Variants in CAMK4 observed in about 807,000 individuals in gnomAD.
CAMK4 encodes calcium/calmodulin dependent protein kinase IV, also known as calcium/calmodulin-dependent protein kinase type IV.
A neutral mutation model predicts 44.9 loss-of-function variants in CAMK4; 22 were observed. The ratio of observed to expected loss-of-function variants is 0.49; its 90% CI spans 0.35 to 0.70. The LOEUF is 0.70. CAMK4 is among the 30% of genes least tolerant of loss of function. The pLI, the probability that CAMK4 is intolerant of heterozygous loss-of-function variation, is 0.01. For synonymous variants in CAMK4, 218 were observed against 215.4 expected (o/e 1.01, Z -0.11); for missense variants, 498 against 586.8 (o/e 0.85, Z 1.56).
At position 111,224,758 on chromosome 5, in the gene CAMK4, T is replaced by G; in HGVS notation, c.161+114T>G. 1 of 1,008,112 alleles carries G rather than the reference T, an allele frequency of 9.9e-7. No individual in the cohort carries two copies. The highest frequency in any genetic ancestry group is 1.4e-6 in the Non-Finnish European group (1 of 697,362). 62.4% of individuals were successfully genotyped at this position (1,008,112 alleles called of 1,614,324 possible). On this transcript the variant is annotated intron_variant, in intron 1 of 10. Coordinates refer to ENST00000282356, the MANE Select transcript of CAMK4 (RefSeq NM_001744.6). The surrounding 1 kb of genome is among the most constrained non-coding windows in gnomAD (Gnocchi z 5.7). ...GCCTTCGTGCCCTTCGATTTCTCCCTACCTAGTTAGTGTCTTGAGAGAGAG... is the reference window on the plus strand; with the variant it reads ...GCCTTCGTGCCCTTCGATTTCTCCCGACCTAGTTAGTGTCTTGAGAGAGAG...
At chr5:111,271,185 A>G (rs1750499754) in intron 1 of CAMK4, among the ~76,000 whole-genome samples, 1 of 152,226 alleles carries the variant, frequency 6.6e-6, no homozygotes, top group African/African-American at 2.4e-5. Context: ...CACAGAGCCA[A>G]ACCATATCAA....
intron 7 of CAMK4, among the ~76,000 whole-genome samples, chr5:111,465,584 T>G (rs1167690037): frequency 6.6e-6 from 1 of 152,126 alleles, no homozygotes; most frequent in Non-Finnish European, 1.5e-5. Context: ...CACCTTTATG[T>G]GCATGAACTA....
chr5:111,226,592 A>T (rs558142778), intron 1 of CAMK4, among the ~76,000 whole-genome samples: 1 of 152,386 alleles, frequency 6.6e-6, no homozygotes, highest in African/African-American at 2.4e-5. Flanking sequence ...GGGCAAAATC[A>T]TCTAACATAA....
At chr5:111,242,011 G>C (rs1016706888) in intron 1 of CAMK4, among the ~76,000 whole-genome samples, 1 of 152,172 alleles carries the variant, frequency 6.6e-6, no homozygotes, top group African/African-American at 2.4e-5. Context: ...AAGATGGACT[G>C]TTGGAACTTC....
Position 111,487,993 on chromosome 5 carries a change from C to T in CAMK4, c.*3527C>T, listed in dbSNP as rs1561520310. The T allele has an allele frequency of 6.6e-6, 1 of 152,248 alleles. No individual in the cohort carries two copies. Among genetic ancestry groups the T allele is most frequent in the Admixed American group, 6.5e-5 (1 of 15,288 alleles). The allele number at this position is 152,248 out of a possible 1,614,324, so 9.4% of individuals were successfully genotyped here. A position where few individuals can be genotyped will look rare whatever the true frequency, so the allele number is the denominator to read the frequency against. ...TTACTAAATTATCTACTGACCAATC[C>T]CTCTGATTCCTGATGGGCCCTGGAG... On this transcript the variant is annotated 3_prime_UTR_variant, in exon 11 of 11. Coordinates refer to ENST00000282356, the MANE Select transcript of CAMK4 (RefSeq NM_001744.6).
At chr5:111,448,180 G>A (rs763814376) in intron 6 of CAMK4, among the ~76,000 whole-genome samples, 16 of 152,174 alleles carry the variant, frequency 1.1e-4, no homozygotes, top group African/African-American at 3.9e-4. Flanking sequence ...CATAATGGTA[G>A]CAACTTTCGA....
rs751581823 is a variant in CAMK4, at chr5:111,484,200, G to A, written c.1156G>A (p.Ala386Thr). ...EKIQGDGAQAAVKGAQAELMK... is the reference protein window; with the variant it reads ...EKIQGDGAQATVKGAQAELMK... ...AATTCAAGGCGATGGGGCCCAAGCC[G>A]CAGTTAAGGGGGCACAGGCTGAGCT... is the stretch of plus-strand genomic sequence containing the variant. The change falls in exon 11 of 11, where the codon GCA becomes ACA. Residue 386 changes from alanine (A) to threonine (T), a missense_variant. By Grantham distance (58) the Ala-to-Thr change is moderately conservative (BLOSUM62 0). Around this residue, in one of 3 missense-constraint regions of CAMK4, gnomAD observed 143 missense variants for 144.9 expected, o/e 0.99. Coordinates refer to ENST00000282356, the MANE Select transcript of CAMK4 (RefSeq NM_001744.6). This position sits in a 1 kb window ranked among gnomAD's most constrained non-coding sequence, Gnocchi z 5.3. 176 of 1,613,926 alleles carry A rather than the reference G, an allele frequency of 1.1e-4. No individual in the cohort carries two copies. Among genetic ancestry groups the A allele is most frequent in the East Asian group, 2.9e-4 (13 of 44,894 alleles).
chr5:111,377,655 A>T (rs1228149853), intron 4 of CAMK4, among the ~76,000 whole-genome samples: 2 of 152,148 alleles, frequency 1.3e-5, no homozygotes, highest in African/African-American at 2.4e-5. Context: ...ATTTGTCCTG[A>T]TGGGCTCTTG....
chr5:111,261,059 T>C (rs956018248), intron 1 of CAMK4, among the ~76,000 whole-genome samples: 6 of 152,204 alleles, frequency 3.9e-5, no homozygotes, highest in African/African-American at 1.4e-4. Flanking sequence ...CATCCTAAAA[T>C]AGATTGTCTT....
At chr5:111,248,596 G>C (rs1456936031) in intron 1 of CAMK4, among the ~76,000 whole-genome samples, 1 of 151,630 alleles carries the variant, frequency 6.6e-6, no homozygotes, top group Non-Finnish European at 1.5e-5. Flanking sequence ...TTTTCTCACA[G>C]TATCTAGCAC....
At chr5:111,404,160 G>A (rs1437213872) in intron 5 of CAMK4, among the ~76,000 whole-genome samples, 1 of 152,162 alleles carries the variant, frequency 6.6e-6, no homozygotes, top group Admixed American at 6.5e-5. Flanking sequence ...TAGGAGTTAT[G>A]AATATTGATG....
chr5:111,367,113 G>T (rs1414340016), intron 2 of CAMK4, among the ~76,000 whole-genome samples: 1 of 150,332 alleles, frequency 6.7e-6, no homozygotes, highest in East Asian at 1.9e-4. Context: ...TAGTTTACCT[G>T]GTGTCTTAGT....
chr5:111,402,655 A>G (rs573892244), intron 5 of CAMK4, among the ~76,000 whole-genome samples: 23 of 152,342 alleles, frequency 1.5e-4, no homozygotes, highest in African/African-American at 4.1e-4. Flanking sequence ...CCTTGCAGCT[A>G]GGGCAAGGTC....
At chr5:111,314,667 T>A (rs1748347535) in intron 1 of CAMK4, among the ~76,000 whole-genome samples, 1 of 152,100 alleles carries the variant, frequency 6.6e-6, no homozygotes, top group South Asian at 2.1e-4. Context: ...CTGATGTAAT[T>A]GTGTGTTTCA....
At chr5:111,452,504 G>A (rs1338231672) in intron 7 of CAMK4, among the ~76,000 whole-genome samples, 1 of 152,142 alleles carries the variant, frequency 6.6e-6, no homozygotes, top group African/African-American at 2.4e-5. Flanking sequence ...ATTAGCTATT[G>A]TAAATGCTCT....
chr5:111,326,277 A>G (rs1748883974), intron 1 of CAMK4, among the ~76,000 whole-genome samples: 1 of 152,008 alleles, frequency 6.6e-6, no homozygotes, highest in Non-Finnish European at 1.5e-5. Context: ...GAATATCTCT[A>G]TAAACCCTAT....
At chr5:111,435,110 T>C (rs1441808508) in intron 5 of CAMK4, among the ~76,000 whole-genome samples, 2 of 152,242 alleles carry the variant, frequency 1.3e-5, no homozygotes, top group African/African-American at 4.8e-5. Context: ...TCTTTGTCTC[T>C]TTTAAAAGGG....
intron 9 of CAMK4, among the ~76,000 whole-genome samples, chr5:111,479,251 C>T (rs982180013): frequency 5.9e-5 from 9 of 152,252 alleles, no homozygotes; most frequent in East Asian, 1.9e-4. Context: ...CTAATAGTAA[C>T]GTAAGTCCCA....
chr5:111,372,077 G>A (rs573719698), intron 2 of CAMK4, among the ~76,000 whole-genome samples: 1 of 152,118 alleles, frequency 6.6e-6, no homozygotes, highest in Non-Finnish European at 1.5e-5. Flanking sequence ...CTAGTAAATG[G>A]TCAAAACTTT....
Sources: allele counts gnomAD v4.1 joint callset (sites outside exome capture counted in the v4.1 genomes callset), GRCh38; gene constraint gnomAD v4.1.1; regional missense constraint gnomAD v4.1.1; non-coding constraint Gnocchi (gnomAD v3.1); transcripts MANE v1.5; gene names NCBI Gene and HGNC (gene_info 2026-07-23, HGNC 2026-07-21).